Variants in ITGB5 observed in about 807,000 individuals in gnomAD.
ITGB5 encodes the protein integrin beta-5.
A neutral mutation model predicts 84.8 loss-of-function variants in ITGB5; 38 were observed. That is an observed-to-expected ratio of 0.45 (90% CI 0.35 to 0.59). The LOEUF is 0.59. Among genes scored for constraint, ITGB5 ranks in the 20% least tolerant of loss-of-function variants. The pLI is 0.01. For synonymous variants in ITGB5, 393 were observed against 414.4 expected, an observed-to-expected ratio of 0.95 and a Z score of 0.63; for missense variants, 905 against 1,034.5, an observed-to-expected ratio of 0.87 and a Z score of 1.72.
At chr3:124,801,762 C>T (rs553446822) in intron 9 of ITGB5, among the ~76,000 whole-genome samples, 93 of 152,364 alleles carry the variant, frequency 6.1e-4, no homozygotes, top group African/African-American at 2.2e-3. Flanking sequence ...ACCCACTTGC[C>T]AAACAATGGC....
chr3:124,884,518 T>C (rs1483336173), intron 1 of ITGB5, among the ~76,000 whole-genome samples: 1 of 152,104 alleles, frequency 6.6e-6, no homozygotes, highest in Non-Finnish European at 1.5e-5. Flanking sequence ...CTGACCAACA[T>C]GGTGAAACCC....
intron 1 of ITGB5, among the ~76,000 whole-genome samples, chr3:124,878,390 T>G (rs966084791): frequency 6.6e-6 from 1 of 152,216 alleles, no homozygotes; most frequent in Non-Finnish European, 1.5e-5. Flanking sequence ...CATGAACAAC[T>G]GTAAAACAAT....
At chr3:124,836,047 C>T (rs1267034546) in intron 5 of ITGB5, among the ~76,000 whole-genome samples, 1 of 152,154 alleles carries the variant, frequency 6.6e-6, no homozygotes, top group Non-Finnish European at 1.5e-5. Context: ...CAACCTGGAG[C>T]ACCTCCCTCC....
intron 2 of ITGB5, among the ~76,000 whole-genome samples, chr3:124,869,226 G>A (rs900776769): frequency 6.6e-6 from 1 of 152,140 alleles, no homozygotes; most frequent in Non-Finnish European, 1.5e-5. Context: ...GGGATATATG[G>A]TTAAGAAGGC....
At position 124,764,444 on chromosome 3, in the gene ITGB5, G is replaced by A. The variant is rs534537083; in HGVS notation, c.2251C>T (p.Arg751Trp). 39 of 1,613,976 alleles carry A rather than the reference G, an allele frequency of 2.4e-5. No homozygotes were observed. Among genetic ancestry groups the A allele is most frequent in the South Asian group, 1.5e-4 (14 of 91,054 alleles). The change falls in exon 14 of 15, where the codon CGG becomes TGG. Residue 751 changes from arginine to tryptophan, a missense_variant. Physicochemically the swap from Arg to Trp is moderately radical, Grantham distance 101. Coordinates refer to ENST00000296181, the MANE Select transcript of ITGB5 (RefSeq NM_002213.5). ...CTCTGAAACTTTGCAAACTCCCTCCGGTCGTGGATGGTGACAAGCAGCTTC... is the reference window on the plus strand; with the variant it reads ...CTCTGAAACTTTGCAAACTCCCTCCAGTCGTGGATGGTGACAAGCAGCTTC... ...IWKLLVTIHD[R>W]REFAKFQSER... is the part of the protein sequence containing the mutation.
At chr3:124,855,837 C>A (rs1217969359) in intron 3 of ITGB5, among the ~76,000 whole-genome samples, 2 of 152,144 alleles carry the variant, frequency 1.3e-5, no homozygotes, top group Non-Finnish European at 2.9e-5. Context: ...TAATGCTTAG[C>A]AGGAGATGTA....
intron 10 of ITGB5, among the ~76,000 whole-genome samples, chr3:124,785,916 T>C (rs1295267970): frequency 1.3e-5 from 2 of 152,234 alleles, no homozygotes. Flanking sequence ...GGGAAGGGTC[T>C]TAAGTTAACC....
intron 11 of ITGB5, among the ~76,000 whole-genome samples, chr3:124,771,452 T>G (rs189739709): frequency 1.3e-5 from 2 of 151,918 alleles, no homozygotes; most frequent in Admixed American, 6.5e-5. Flanking sequence ...CAGAGACAAA[T>G]AAGAAGGAAT....
intron 4 of ITGB5, among the ~76,000 whole-genome samples, chr3:124,844,962 G>A (rs1208339482): frequency 6.6e-6 from 1 of 152,126 alleles, no homozygotes; most frequent in South Asian, 2.1e-4. Context: ...TCTCGACAAC[G>A]GCAAACATAA....
chr3:124,851,334 CT>C (rs1326853542), intron 3 of ITGB5, among the ~76,000 whole-genome samples: 1 of 152,124 alleles, frequency 6.6e-6, no homozygotes, highest in Non-Finnish European at 1.5e-5. Context: ...ACAAATGTTC[CT>C]ACACAAAGAA....
At chr3:124,784,711 G>A (rs2064055454) in intron 10 of ITGB5, among the ~76,000 whole-genome samples, 1 of 152,242 alleles carries the variant, frequency 6.6e-6, no homozygotes, top group Non-Finnish European at 1.5e-5. Flanking sequence ...ACAGAAGGCT[G>A]TAGCCAAAAG....
chr3:124,766,807 C>G (rs982701307), intron 12 of ITGB5, among the ~76,000 whole-genome samples: 2 of 152,238 alleles, frequency 1.3e-5, no homozygotes, highest in Non-Finnish European at 2.9e-5. Flanking sequence ...GCAGCAACTC[C>G]TTCCTGGGAT....
intron 1 of ITGB5, among the ~76,000 whole-genome samples, chr3:124,895,833 A>G (rs949272589): frequency 1.3e-5 from 2 of 152,214 alleles, no homozygotes; most frequent in African/African-American, 4.8e-5. Context: ...ATCTGGGCCC[A>G]GGATCAGAAG....
intron 4 of ITGB5, among the ~76,000 whole-genome samples, chr3:124,843,907 G>A (rs2065042818): frequency 6.6e-6 from 1 of 152,120 alleles, no homozygotes; most frequent in African/African-American, 2.4e-5. Context: ...GTGTCTGTAT[G>A]TATAAAAAGT....
intron 9 of ITGB5, among the ~76,000 whole-genome samples, chr3:124,804,974 T>TTTCC (rs377410108): frequency 1.3e-5 from 2 of 151,234 alleles, no homozygotes; most frequent in Non-Finnish European, 2.9e-5. Flanking sequence ...CCTTTCTTTC[T>TTTCC]TTCCTTCCTT....
upstream of ITGB5, among the ~76,000 whole-genome samples, chr3:124,891,801 A>G (rs569262897): frequency 1.1e-4 from 16 of 152,058 alleles, no homozygotes; most frequent in East Asian, 3.1e-3. Flanking sequence ...GCATGCCTGT[A>G]GTCCCAGCTA....
At chr3:124,811,731 A>G (rs991437808) in intron 8 of ITGB5, among the ~76,000 whole-genome samples, 10 of 152,222 alleles carry the variant, frequency 6.6e-5, no homozygotes, top group Non-Finnish European at 1.5e-4. Flanking sequence ...TGCTACCCAC[A>G]GAGTCTCTGG....
At chr3:124,856,733 G>A (rs1446289898) in intron 3 of ITGB5, among the ~76,000 whole-genome samples, 2 of 152,132 alleles carry the variant, frequency 1.3e-5, no homozygotes, top group African/African-American at 4.8e-5. Context: ...TATACAACAC[G>A]ATGTTCCAAC....
chr3:124,773,143 G>A (rs954187346), intron 11 of ITGB5, among the ~76,000 whole-genome samples: 8 of 152,116 alleles, frequency 5.3e-5, no homozygotes, highest in African/African-American at 1.9e-4. Flanking sequence ...CTGACCTCAA[G>A]TGATCCACCC....
Sources: gnomAD v4.1 joint callset for allele counts (sites outside exome capture counted in the v4.1 genomes callset) on GRCh38, gnomAD v4.1.1 for gene constraint, MANE v1.5 for transcripts, NCBI Gene and HGNC (gene_info 2026-07-23, HGNC 2026-07-21) for gene names.